Variants in MBD5 observed in about 807,000 individuals in gnomAD.
MBD5 encodes methyl-CpG binding domain protein 5.
A neutral mutation model predicts 117.3 loss-of-function variants in MBD5; 13 were observed. That is an observed-to-expected ratio of 0.11 (90% CI 0.07 to 0.18). The LOEUF (loss-of-function observed/expected upper bound fraction) is 0.18, where lower values mean the gene tolerates loss of function less well. Among genes scored for constraint, MBD5 ranks in the 10% least tolerant of loss-of-function variants. The pLI, the probability that MBD5 is intolerant of heterozygous loss-of-function variation, is 1.00. For missense variants in MBD5, 1,879 were observed against 2,093.8 expected (o/e 0.90, Z 2.00); for synonymous variants, 727 against 766.4 (o/e 0.95, Z 0.85).
rs1472795688 is a variant in MBD5 at position 148,218,732 on chromosome 2, A to G, written c.-830-14513A>G. Among the ~76,000 whole-genome samples the G allele has an allele frequency of 4.6e-5, 7 of 152,196 alleles. No individual in the cohort carries two copies. The South Asian group carries it at 8.3e-4, about 18-fold the overall frequency. On this transcript the variant is annotated intron_variant, in intron 2 of 13. Coordinates refer to ENST00000642680, the MANE Select transcript of MBD5 (RefSeq NM_001378120.1). ...TGAATACTGTAGAGAATTACAACATAATGGTATTTGTATATCTAAACAAAA... is the reference window on the plus strand; with the variant it reads ...TGAATACTGTAGAGAATTACAACATGATGGTATTTGTATATCTAAACAAAA...
At chr2:148,154,861 C>T (rs533356983) in intron 1 of MBD5, among the ~76,000 whole-genome samples, 250 of 152,314 alleles carry the variant, frequency 1.6e-3, no homozygotes, top group African/African-American at 5.6e-3. Flanking sequence ...AACCCAGTAC[C>T]TCAGATGGAA....
At chr2:148,478,524 C>T (rs1681043954) in intron 8 of MBD5, among the ~76,000 whole-genome samples, 1 of 152,134 alleles carries the variant, frequency 6.6e-6, no homozygotes, top group African/African-American at 2.4e-5. Context: ...CATCACTGCA[C>T]TCCAGCCTGG....
chr2:148,403,405 C>T (rs975094850), intron 4 of MBD5, among the ~76,000 whole-genome samples: 1 of 152,082 alleles, frequency 6.6e-6, no homozygotes, highest in Non-Finnish European at 1.5e-5. Flanking sequence ...GTCTCAAGTT[C>T]CTGACCTCAT....
intron 8 of MBD5, among the ~76,000 whole-genome samples, chr2:148,475,550 C>A (rs1360972329): frequency 6.6e-6 from 1 of 152,026 alleles, no homozygotes; most frequent in Non-Finnish European, 1.5e-5. Context: ...GATATGTTTG[C>A]TGATTCAGTG....
intron 1 of MBD5, among the ~76,000 whole-genome samples, chr2:148,128,782 A>G (rs1409925615): frequency 1.3e-5 from 2 of 152,208 alleles, no homozygotes; most frequent in Admixed American, 6.5e-5. Context: ...AAATTGCTCT[A>G]TCAGCAAGCA....
At chr2:148,285,690 C>A (rs967531011) in intron 3 of MBD5, among the ~76,000 whole-genome samples, 1 of 152,112 alleles carries the variant, frequency 6.6e-6, no homozygotes, top group Non-Finnish European at 1.5e-5. Flanking sequence ...ATTACCACAT[C>A]ACCACTGTTA....
intron 3 of MBD5, chr2:148,260,680 C>A: frequency 4.7e-6 from 1 of 211,314 alleles, no homozygotes; most frequent in Non-Finnish European, 1.0e-5. Context: ...CACCACCAAC[C>A]AGATGCTGCT....
At chr2:148,383,607 G>A (rs1237507131) in intron 4 of MBD5, among the ~76,000 whole-genome samples, 1 of 151,784 alleles carries the variant, frequency 6.6e-6, no homozygotes, top group Non-Finnish European at 1.5e-5. Flanking sequence ...CTCATTTTAT[G>A]AGGCCAGCAT....
At chr2:148,149,356 T>C (rs1388312307) in intron 1 of MBD5, among the ~76,000 whole-genome samples, 1 of 137,432 alleles carries the variant, frequency 7.3e-6, no homozygotes, top group Admixed American at 7.6e-5. Flanking sequence ...ACATTTGGGT[T>C]GGTTCCAAGT....
intron 2 of MBD5, among the ~76,000 whole-genome samples, chr2:148,215,815 G>A (rs1196196979): frequency 1.3e-5 from 2 of 151,082 alleles, no homozygotes; most frequent in Non-Finnish European, 2.9e-5. Context: ...AAGCCACCAT[G>A]CCCAGCCAGA....
At chr2:148,127,528 T>C (rs1482588505) in intron 1 of MBD5, among the ~76,000 whole-genome samples, 1 of 152,204 alleles carries the variant, frequency 6.6e-6, no homozygotes, top group African/African-American at 2.4e-5. Context: ...GGATAACAGC[T>C]TCCAGCTTCA....
At chr2:148,253,888 C>A (rs572747339) in intron 3 of MBD5, among the ~76,000 whole-genome samples, 1 of 152,194 alleles carries the variant, frequency 6.6e-6, no homozygotes, top group African/African-American at 2.4e-5. Context: ...CATAAATGTG[C>A]GGGGTTGTGC....
rs373146432 is a variant in MBD5 at position 148,197,536 on chromosome 2, A to G, written c.-831+18743A>G. On this transcript the variant is annotated intron_variant, in intron 2 of 13. Coordinates refer to ENST00000642680, the MANE Select transcript of MBD5 (RefSeq NM_001378120.1). ...GCTAATGTGTGTAATGGTCTCCAAG[A>G]TCATATAGCATACACTTTGCAAAGA... 1.8e-4 allele frequency among the ~76,000 whole-genome samples: 28 copies of G among 152,304 alleles called. No individual in the cohort carries two copies. In the East Asian group the frequency reaches 4.4e-3, roughly 24 times the overall value.
chr2:148,095,019 A>G (rs1696032887), intron 1 of MBD5, among the ~76,000 whole-genome samples: 1 of 152,146 alleles, frequency 6.6e-6, no homozygotes, highest in Admixed American at 6.5e-5. Flanking sequence ...ATCCTGAATT[A>G]TTGGAAGCTA....
At chr2:148,351,055 GTTT>G (rs1703237084) in intron 4 of MBD5, among the ~76,000 whole-genome samples, 1 of 151,786 alleles carries the variant, frequency 6.6e-6, no homozygotes, top group Non-Finnish European at 1.5e-5. Context: ...CTTTCTTTTA[GTTT>G]TTAATACCTT....
intron 3 of MBD5, among the ~76,000 whole-genome samples, chr2:148,331,969 A>G (rs758011847): frequency 1.2e-4 from 19 of 152,198 alleles, no homozygotes; most frequent in South Asian, 4.1e-4. Context: ...AAGATAAAAC[A>G]AAATCTAGAA....
At chr2:148,473,954 G>A (rs1680876988) in intron 8 of MBD5, among the ~76,000 whole-genome samples, 2 of 152,088 alleles carry the variant, frequency 1.3e-5, no homozygotes, top group South Asian at 4.1e-4. Context: ...TTTAGAAACT[G>A]ACCAGTAGGA....
intron 4 of MBD5, chr2:148,447,560 A>G (rs950921693): frequency 6.6e-5 from 10 of 152,166 alleles, no homozygotes; most frequent in Non-Finnish European, 1.3e-4. Context: ...GGTACTTTCT[A>G]TTCCAGAAGT....
At chr2:148,263,605 A>G (rs1433116588) in intron 3 of MBD5, among the ~76,000 whole-genome samples, 1 of 152,168 alleles carries the variant, frequency 6.6e-6, no homozygotes, top group Non-Finnish European at 1.5e-5. Flanking sequence ...GGAAAAGTGG[A>G]TGTATTGAAG....
Sources: gnomAD v4.1 joint callset for allele counts (sites outside exome capture counted in the v4.1 genomes callset) on GRCh38, gnomAD v4.1.1 for gene constraint, MANE v1.5 for transcripts, NCBI Gene and HGNC (gene_info 2026-07-23, HGNC 2026-07-21) for gene names.